Variants in TMEM135 observed in about 807,000 individuals in gnomAD.
TMEM135 encodes the protein transmembrane protein 135.
TMEM135 carries 30 observed loss-of-function variants against 60.3 expected under a neutral mutation model. The ratio of observed to expected loss-of-function variants is 0.50; its 90% confidence interval spans 0.37 to 0.68. The LOEUF is 0.68. TMEM135 is among the 30% of genes least tolerant of loss of function. The pLI is 0.00. For synonymous variants in TMEM135, 190 were observed against 186.7 expected (o/e 1.02, Z -0.14); for missense variants, 468 against 548.8 (o/e 0.85, Z 1.47).
At chr11:87,248,588 G>C (rs1342609396) in intron 6 of TMEM135, among the ~76,000 whole-genome samples, 3 of 151,226 alleles carry the variant, frequency 2.0e-5, no homozygotes, top group East Asian at 1.9e-4. Flanking sequence ...TGATAGCTTT[G>C]GCTATTTTTG....
intron 1 of TMEM135, among the ~76,000 whole-genome samples, chr11:87,050,342 C>T (rs1183240713): frequency 0.2 from 3,987 of 20,400 alleles, 4 homozygotes; most frequent in Non-Finnish European, 0.22. Context: ...GAAATAGAGA[C>T]ACAAAAAACC....
At chr11:87,287,136 A>G (rs1942181313) in intron 6 of TMEM135, among the ~76,000 whole-genome samples, 2 of 152,214 alleles carry the variant, frequency 1.3e-5, no homozygotes, top group Admixed American at 6.5e-5. Flanking sequence ...AATTTGAGGT[A>G]GATGATGTAA....
intron 6 of TMEM135, among the ~76,000 whole-genome samples, chr11:87,271,004 C>T (rs1473078388): frequency 6.6e-6 from 1 of 151,750 alleles, no homozygotes; most frequent in Non-Finnish European, 1.5e-5. Context: ...TAATAAATAC[C>T]TGAAGGAACA....
intron 5 of TMEM135, among the ~76,000 whole-genome samples, chr11:87,189,632 A>T (rs1161148936): frequency 2.0e-5 from 3 of 152,088 alleles, no homozygotes; most frequent in African/African-American, 7.2e-5. Flanking sequence ...GATTTAAAAA[A>T]ATTAGGGTAA....
chr11:87,305,938 G>A lies in TMEM135; in HGVS notation c.701G>A (p.Cys234Tyr), dbSNP rs1327606595. Residue 234 changes from cysteine to tyrosine, a missense_variant and splice_region_variant, in exon 9 of 15, where the codon TGC becomes TAC. Transcript: ENST00000305494. Reference sequence around the variant, plus strand: ...AATTTTTTTGGGTTCAATTTCAGATGCAAACATGGACCAAGGCATAGATGT... The same window carrying A: ...AATTTTTTTGGGTTCAATTTCAGATACAAACATGGACCAAGGCATAGATGT... ...GLVRKFVDSI[C>Y]KHGPRHRCCK... is the part of the protein sequence containing the mutation. 4 of 1,602,124 alleles carry A rather than the reference G, an allele frequency of 2.5e-6. No individual in the cohort carries two copies. The highest frequency in any genetic ancestry group is 3.4e-6 in the Non-Finnish European group (4 of 1,173,428).
At chr11:87,053,932 A>G (rs1347936978) in intron 1 of TMEM135, among the ~76,000 whole-genome samples, 1 of 152,170 alleles carries the variant, frequency 6.6e-6, no homozygotes, top group Non-Finnish European at 1.5e-5. Context: ...GTAATAGGAT[A>G]TGAATCTGTT....
chr11:87,267,931 A>G (rs920788753), intron 6 of TMEM135, among the ~76,000 whole-genome samples: 2 of 152,066 alleles, frequency 1.3e-5, no homozygotes, highest in African/African-American at 4.8e-5. Context: ...ACCTCAGGCA[A>G]TCAGCCCACC....
intron 1 of TMEM135, among the ~76,000 whole-genome samples, chr11:87,053,129 A>G (rs1271592132): frequency 4.1e-5 from 5 of 121,788 alleles, no homozygotes; most frequent in African/African-American, 1.7e-4. Flanking sequence ...TCACATGGAC[A>G]CAGGAAGGGG....
chr11:87,224,276 G>A (rs757892177), intron 5 of TMEM135, among the ~76,000 whole-genome samples: 36 of 152,350 alleles, frequency 2.4e-4, no homozygotes, highest in Non-Finnish European at 4.7e-4. Context: ...AACTCAGTTA[G>A]AGGGCCACTG....
In TMEM135 at chr11:87,327,134, C is replaced by G. The variant is rs1211016249; in HGVS notation, c.*5801C>G. On this transcript the variant is annotated 3_prime_UTR_variant, in exon 15 of 15. Coordinates refer to ENST00000305494, the MANE Select transcript of TMEM135 (RefSeq NM_022918.4). The stretch of plus-strand genomic sequence containing the variant: ...TCTTCTTGTCCAGATACTTTTCCAA[C>G]CAGCCTTTACTCGGAGGTGTTCATG... The G allele has an allele frequency of 8.8e-6, 4 of 453,858 alleles. No homozygotes were observed. Among genetic ancestry groups the G allele is most frequent in the South Asian group, 3.1e-5 (2 of 64,478 alleles). 28.1% of individuals were successfully genotyped at this position (453,858 alleles called of 1,614,324 possible).
chr11:87,147,665 CA>C (rs1409183825), intron 4 of TMEM135, among the ~76,000 whole-genome samples: 1 of 152,196 alleles, frequency 6.6e-6, no homozygotes, highest in Non-Finnish European at 1.5e-5. Context: ...AACACACACA[CA>C]AAAGTCCAAT....
chr11:87,198,390 G>A (rs1940008168), intron 5 of TMEM135, among the ~76,000 whole-genome samples: 1 of 152,006 alleles, frequency 6.6e-6, no homozygotes, highest in Admixed American at 6.6e-5. Flanking sequence ...GTATTCTAGG[G>A]AAAAACAAAA....
chr11:87,213,757 G>GAGTGA (rs1940432094), intron 5 of TMEM135, among the ~76,000 whole-genome samples: 1 of 152,178 alleles, frequency 6.6e-6, no homozygotes, highest in South Asian at 2.1e-4. Context: ...TACAGTGAAT[G>GAGTGA]AGTGAATAAA....
chr11:87,158,596 G>C (rs1423997174), intron 5 of TMEM135, among the ~76,000 whole-genome samples: 1 of 151,318 alleles, frequency 6.6e-6, no homozygotes, highest in East Asian at 2.0e-4. Flanking sequence ...CAAGTAGCTG[G>C]GACTACAGGT....
chr11:87,250,699 G>GAA (rs1565503115), intron 6 of TMEM135, among the ~76,000 whole-genome samples: 6 of 151,916 alleles, frequency 3.9e-5, no homozygotes, highest in African/African-American at 1.5e-4. Context: ...ATGGTCTTAG[G>GAA]TTCTTTTTAA....
chr11:87,264,385 G>A (rs548273608), intron 6 of TMEM135, among the ~76,000 whole-genome samples: 5 of 150,236 alleles, frequency 3.3e-5, no homozygotes, highest in African/African-American at 9.7e-5. Flanking sequence ...AATCCACTAT[G>A]GCACCTAACA....
At chr11:87,289,376 A>G (rs1942224312) in intron 6 of TMEM135, among the ~76,000 whole-genome samples, 1 of 150,872 alleles carries the variant, frequency 6.6e-6, no homozygotes, top group Admixed American at 6.6e-5. Context: ...ATATAGAACC[A>G]CTAGAACGTA....
intron 4 of TMEM135, among the ~76,000 whole-genome samples, chr11:87,127,903 G>C (rs903077908): frequency 5.9e-5 from 9 of 152,270 alleles, no homozygotes; most frequent in African/African-American, 1.7e-4. Context: ...ATGTCCAGCA[G>C]AATACAATAA....
At chr11:87,215,199 C>A (rs551460341) in intron 5 of TMEM135, among the ~76,000 whole-genome samples, 1 of 152,128 alleles carries the variant, frequency 6.6e-6, no homozygotes, top group South Asian at 2.1e-4. Flanking sequence ...ACATTTAGGA[C>A]CTACTGAATT....
Sources: gnomAD v4.1 joint callset for allele counts (sites outside exome capture counted in the v4.1 genomes callset) on GRCh38, gnomAD v4.1.1 for gene constraint, MANE v1.5 for transcripts, NCBI Gene and HGNC (gene_info 2026-07-23, HGNC 2026-07-21) for gene names.